The following SLC39A11 variants were observed in gnomAD, a reference collection of about 807,000 sequenced individuals.
SLC39A11 encodes the protein zinc transporter ZIP11.
Under a neutral mutation model 36.1 loss-of-function variants are expected in SLC39A11, and 33 were observed. The observed-to-expected ratio is 0.91, with a 90% CI of 0.69 to 1.22. The LOEUF is 1.22. SLC39A11 is among the 50% of genes most tolerant of loss of function. The probability of loss-of-function intolerance (pLI) is 0.00; values close to 1 mark genes in which losing one functional copy is unlikely to be tolerated. For synonymous variants in SLC39A11, 166 were observed against 170.3 expected, an observed-to-expected ratio of 0.97 and a Z score of 0.20; for missense variants, 432 against 430.3, an observed-to-expected ratio of 1.00 and a Z score of -0.03.
At chr17:72,695,923 C>A (rs2072274117) in intron 7 of SLC39A11, among the ~76,000 whole-genome samples, 1 of 152,134 alleles carries the variant, frequency 6.6e-6, no homozygotes, top group African/African-American at 2.4e-5. Flanking sequence ...CAACTTCTGT[C>A]CTTGGGAAGT....
intron 7 of SLC39A11, among the ~76,000 whole-genome samples, chr17:72,698,320 A>G (rs918273600): frequency 6.6e-6 from 1 of 152,202 alleles, no homozygotes; most frequent in Non-Finnish European, 1.5e-5. Context: ...TTACTCTCCA[A>G]AACCGTTTAT....
intron 5 of SLC39A11, among the ~76,000 whole-genome samples, chr17:72,889,757 T>C (rs1292666359): frequency 6.6e-6 from 1 of 152,208 alleles, no homozygotes; most frequent in Non-Finnish European, 1.5e-5. Context: ...CCAGTAATTT[T>C]ATCCTGAGCC....
intron 3 of SLC39A11, among the ~76,000 whole-genome samples, chr17:73,078,303 A>G (rs1255005003): frequency 2.0e-5 from 3 of 152,066 alleles, no homozygotes; most frequent in Non-Finnish European, 4.4e-5. Flanking sequence ...GTAAGTTGAC[A>G]TTTAAAACAT....
chr17:72,761,054 G>A (rs1182317852), intron 6 of SLC39A11, among the ~76,000 whole-genome samples: 1 of 152,130 alleles, frequency 6.6e-6, no homozygotes, highest in Non-Finnish European at 1.5e-5. Flanking sequence ...CAGAGTGCAC[G>A]CCCCAGCTAA....
At chr17:72,693,548 G>A (rs2072137051) in intron 7 of SLC39A11, among the ~76,000 whole-genome samples, 1 of 152,190 alleles carries the variant, frequency 6.6e-6, no homozygotes, top group South Asian at 2.1e-4. Flanking sequence ...TCGCACAATA[G>A]TAAGCATCTT....
chr17:72,681,274 C>G (rs1567940084), intron 7 of SLC39A11, among the ~76,000 whole-genome samples: 1 of 152,168 alleles, frequency 6.6e-6, no homozygotes, highest in South Asian at 2.1e-4. Flanking sequence ...TGGGCCTACT[C>G]TGAGGAGTGG....
chr17:72,915,388 G>A (rs996148175), intron 5 of SLC39A11, among the ~76,000 whole-genome samples: 1 of 152,090 alleles, frequency 6.6e-6, no homozygotes, highest in Non-Finnish European at 1.5e-5. Context: ...GCCCTGCCTC[G>A]CTTTTCCTGA....
intron 5 of SLC39A11, among the ~76,000 whole-genome samples, chr17:72,895,010 C>T (rs781729048): frequency 4.6e-4 from 70 of 152,188 alleles, no homozygotes; most frequent in East Asian, 3.8e-4. Context: ...CAGAAACTAA[C>T]GCAGAAACTG....
At chr17:72,838,572 ATC>A (rs932754481) in intron 6 of SLC39A11, among the ~76,000 whole-genome samples, 1 of 152,134 alleles carries the variant, frequency 6.6e-6, no homozygotes, top group African/African-American at 2.4e-5. Flanking sequence ...TGGTATGTGA[ATC>A]ATATCACATT....
intron 3 of SLC39A11, among the ~76,000 whole-genome samples, chr17:73,076,146 T>C (rs2060312681): frequency 6.6e-6 from 1 of 150,516 alleles, no homozygotes; most frequent in African/African-American, 2.5e-5. Flanking sequence ...TCCTATTAAG[T>C]TCATGCCTCA....
intron 4 of SLC39A11, among the ~76,000 whole-genome samples, chr17:72,963,777 G>A (rs1362682812): frequency 6.6e-6 from 1 of 152,176 alleles, no homozygotes; most frequent in African/African-American, 2.4e-5. Context: ...CTTCAGCTCA[G>A]CCATCCAGGG....
At chr17:72,765,019 T>C (rs2075714726) in intron 6 of SLC39A11, among the ~76,000 whole-genome samples, 1 of 152,156 alleles carries the variant, frequency 6.6e-6, no homozygotes. Context: ...TAGTTTATAG[T>C]TTAAATAATA....
At position 73,039,274 on chromosome 17, in the gene SLC39A11, C is replaced by T. The variant is rs73350954; in HGVS notation, c.148-7560G>A. Among the ~76,000 whole-genome samples, 802 of 152,220 alleles carry T rather than the reference C, an allele frequency of 5.3e-3. 11 individuals are homozygous for T. The highest frequency in any genetic ancestry group is 0.019 in the African/African-American group (769 of 41,532). ...CTCCCCGTATGCCTTCTGCAGACATCCTCTCTTCCTCCTCCCATCTTGCGC... is the reference window on the plus strand; with the variant it reads ...CTCCCCGTATGCCTTCTGCAGACATTCTCTCTTCCTCCTCCCATCTTGCGC... On this transcript the variant is annotated intron_variant, in intron 3 of 9. Transcript: ENST00000255559.
At chr17:72,695,587 C>G (rs2072256802) in intron 7 of SLC39A11, among the ~76,000 whole-genome samples, 1 of 152,050 alleles carries the variant, frequency 6.6e-6, no homozygotes, top group African/African-American at 2.4e-5. Context: ...TAGCCATGTC[C>G]TAGAACCTAG....
intron 3 of SLC39A11, among the ~76,000 whole-genome samples, chr17:73,034,666 A>G (rs1485403984): frequency 6.6e-6 from 1 of 152,174 alleles, no homozygotes; most frequent in Non-Finnish European, 1.5e-5. Context: ...ACTCCGATGA[A>G]AAAACATAAC....
chr17:72,917,332 G>C lies in SLC39A11; in HGVS notation c.430+30420C>G, dbSNP rs535322793. Reference sequence around the variant, plus strand: ...CTGTGTCTGGGCTGTGGATTCAAAGGCAAGGAAGGCTGGATCCCTGCTCTC... The same window carrying C: ...CTGTGTCTGGGCTGTGGATTCAAAGCCAAGGAAGGCTGGATCCCTGCTCTC... On this transcript the variant is annotated intron_variant, in intron 5 of 9. Transcript: ENST00000255559. Among the ~76,000 whole-genome samples the C allele has an allele frequency of 5.3e-5, 8 of 152,344 alleles. No individual in the cohort carries two copies. The East Asian group carries it at 1.5e-3, about 29-fold the overall frequency.
chr17:72,813,819 G>A (rs2077502369), intron 6 of SLC39A11, among the ~76,000 whole-genome samples: 1 of 152,228 alleles, frequency 6.6e-6, no homozygotes, highest in South Asian at 2.1e-4. Context: ...ATGGGGCAGA[G>A]GGAGGCGGCA....
chr17:72,648,764 A>G (rs2143826695), intron 9 of SLC39A11, 39 bp downstream of exon 9: 5 of 1,610,316 alleles, frequency 3.1e-6, no homozygotes, highest in East Asian at 4.5e-5. Flanking sequence ...CCCAGCTGGG[A>G]CTGGGACAGG....
rs547436357 is a variant in SLC39A11, at chr17:72,773,137, T to A, written c.602-36418A>T. Among the ~76,000 whole-genome samples, 25 of 152,314 alleles carry A rather than the reference T, an allele frequency of 1.6e-4. No individual in the cohort carries two copies. In the South Asian group the frequency reaches 5.2e-3, roughly 32 times the overall value. ...GAAAAAGAAATGCACAGATATTCTT[T>A]GATCTGGAAGAGTTGGTTAGACAGG... On this transcript the variant is annotated intron_variant, in intron 6 of 9. Transcript: ENST00000255559.
Sources: allele counts gnomAD v4.1 joint callset (sites outside exome capture counted in the v4.1 genomes callset), GRCh38; gene constraint gnomAD v4.1.1; transcripts MANE v1.5; gene names NCBI Gene and HGNC (gene_info 2026-07-23, HGNC 2026-07-21).